Variants in HEPACAM2 observed in about 807,000 individuals in gnomAD.
HEPACAM2 encodes the protein HEPACAM family member 2.
In HEPACAM2, 49 loss-of-function variants were observed where a neutral mutation model predicts 49.6. The ratio of observed to expected loss-of-function variants is 0.99; its 90% confidence interval spans 0.78 to 1.25. HEPACAM2 has a LOEUF of 1.25. Among genes scored for constraint, HEPACAM2 ranks in the 50% most tolerant of loss-of-function variants. The probability of loss-of-function intolerance (pLI) is 0.00; values close to 1 mark genes in which losing one functional copy is unlikely to be tolerated. For missense variants in HEPACAM2, 525 were observed against 557.2 expected (o/e 0.94, Z 0.58); for synonymous variants, 197 against 202.9 (o/e 0.97, Z 0.25).
chr7:93,225,370 T>TA (rs1794520538), intron 1 of HEPACAM2, among the ~76,000 whole-genome samples: 1 of 152,052 alleles, frequency 6.6e-6, no homozygotes, highest in South Asian at 2.1e-4. Context: ...CTCAAAGACT[T>TA]AAAAAAATTT....
At position 93,219,082 on chromosome 7, in the gene HEPACAM2, A is replaced by G; in HGVS notation, c.430+19T>C. ...TACCATGCTAGACTGCTGCCCTCGT[A>G]CACTCACAGGGGACTCACCATCAAC... On this transcript the variant is annotated intron_variant, in intron 2 of 9. Coordinates refer to ENST00000394468, the MANE Select transcript of HEPACAM2 (RefSeq NM_001039372.4). 6.2e-7 allele frequency: 1 copy of G among 1,605,826 alleles called. No homozygotes were observed. The highest frequency in any genetic ancestry group is 8.5e-7 in the Non-Finnish European group (1 of 1,173,582).
intron 4 of HEPACAM2, among the ~76,000 whole-genome samples, chr7:93,205,925 A>G (rs1022676201): frequency 6.6e-6 from 1 of 152,108 alleles, no homozygotes. Flanking sequence ...TATTTACTAT[A>G]ATAACAAATG....
At chr7:93,226,149 G>T (rs1346232226) in intron 1 of HEPACAM2, among the ~76,000 whole-genome samples, 3 of 151,978 alleles carry the variant, frequency 2.0e-5, no homozygotes, top group Admixed American at 1.3e-4. Context: ...GACAATAATT[G>T]TTGTTCCAAG....
intron 8 of HEPACAM2, among the ~76,000 whole-genome samples, chr7:93,194,910 C>T (rs1793647912): frequency 7.9e-6 from 1 of 126,138 alleles, no homozygotes; most frequent in East Asian, 2.9e-4. Flanking sequence ...AAACTGATTA[C>T]TTTAAAAGAT....
intron 1 of HEPACAM2, 168 bp from the exon 2 acceptor site, chr7:93,219,619 T>C: frequency 7.9e-7 from 1 of 1,264,326 alleles, no homozygotes; most frequent in East Asian, 2.5e-5. Context: ...TATTTGTCCC[T>C]GAAACCTTCT....
chr7:93,229,314 T>TA (rs1454156835), upstream of HEPACAM2, among the ~76,000 whole-genome samples: 10 of 152,200 alleles, frequency 6.6e-5, no homozygotes, highest in Admixed American at 4.6e-4. Flanking sequence ...ATATGGCTGC[T>TA]AAATACTAAG....
At chr7:93,231,582 T>TTTC in the HEPACAM2 span, among the ~76,000 whole-genome samples, 3 of 152,200 alleles carry the variant, frequency 2.0e-5, no homozygotes, top group Non-Finnish European at 2.9e-5. Context: ...AGGGCTGCTT[T>TTTC]TTCTTCTTCT....
At chr7:93,210,427 A>G (rs189610621) in intron 3 of HEPACAM2, among the ~76,000 whole-genome samples, 5 of 152,102 alleles carry the variant, frequency 3.3e-5, no homozygotes, top group Admixed American at 2.0e-4. Flanking sequence ...TTAATCGTTC[A>G]CATTACTTCT....
At chr7:93,217,876 C>CTGTGTGTGTGTGTGTG (rs138044928) in intron 2 of HEPACAM2, among the ~76,000 whole-genome samples, 13 of 140,094 alleles carry the variant, frequency 9.3e-5, no homozygotes, top group Non-Finnish European at 2.0e-4. Context: ...GCATGTGTGT[C>CTGTGTGTGTGTGTGTG]TGTGTGTGTG....
intron 2 of HEPACAM2, 69 bp downstream of exon 2, chr7:93,219,031 GT>G (rs1794382652): frequency 5.1e-6 from 7 of 1,364,488 alleles, no homozygotes; most frequent in Non-Finnish European, 7.1e-6. Flanking sequence ...AGCCGAAGTA[GT>G]TTAGTCTCCT....
intron 8 of HEPACAM2, among the ~76,000 whole-genome samples, 189 bp from the exon 9 acceptor site, chr7:93,192,552 G>A (rs371830879): frequency 5.3e-4 from 81 of 152,150 alleles, no homozygotes; most frequent in Admixed American, 3.5e-3. Flanking sequence ...TTGTGCAGCA[G>A]CATAGCTATA....
intron 1 of HEPACAM2, chr7:93,225,965 G>T: frequency 7.9e-7 from 1 of 1,261,162 alleles, no homozygotes; most frequent in Non-Finnish European, 1.1e-6. Context: ...TAATTAAAAA[G>T]AAAACAATTT....
At position 93,197,498 on chromosome 7, in the gene HEPACAM2, A is replaced by AT; in HGVS notation, c.1124dup (p.Tyr375Ter). 6.3e-7 allele frequency: 1 copy of AT among 1,594,860 alleles called. No individual in the cohort carries two copies. The highest frequency in any genetic ancestry group is 2.2e-5 in the East Asian group (1 of 44,542). Residue 375 changes from tyrosine (Y) to a stop codon, truncating the protein, a stop_gained and frameshift_variant, in exon 5 of 10, where the codon TAT becomes TAAT. Transcript: ENST00000394468. LOFTEE classifies it high-confidence loss of function. Reference sequence around the variant, plus strand: ...ATTTTAACCTACCTTTGTAGGGTTGATATTTTTTCCATAGGAAGAGAAGAC... The same window carrying AT: ...ATTTTAACCTACCTTTGTAGGGTTGATTATTTTTTCCATAGGAAGAGAAGAC... Reference protein sequence around the residue: ...SMCLLFLWKKYQPYKVIKQKL... With the variant: ...SMCLLFLWKK
In HEPACAM2 at chr7:93,219,304, A is replaced by G; in HGVS notation, c.227T>C (p.Met76Thr). Residue 76 changes from methionine (M) to threonine (T), a missense_variant, in exon 2 of 10, where the codon ATG becomes ACG. Transcript: ENST00000394468. Reference sequence around the variant, plus strand: ...CACAGAGCCCAGTAAGTATTTGGGCATTGTGTGGGGTCTCTCAAATAGCCA... The same window carrying G: ...CACAGAGCCCAGTAAGTATTTGGGCGTTGTGTGGGGTCTCTCAAATAGCCA... ...IIWLFERPHT[M>T]PKYLLGSVNK... 1 of 1,613,972 alleles carries G rather than the reference A, an allele frequency of 6.2e-7. No individual in the cohort carries two copies. The highest frequency in any genetic ancestry group is 1.1e-5 in the South Asian group (1 of 91,074).
chr7:93,208,959 T>C (rs1238264532), intron 3 of HEPACAM2, 83 bp from the exon 4 acceptor site: 4 of 1,249,248 alleles, frequency 3.2e-6, no homozygotes, highest in Non-Finnish European at 4.3e-6. Context: ...TAGTAGCATT[T>C]TACTGTTTTT....
chr7:93,204,361 T>TG (rs1793974319), intron 4 of HEPACAM2, among the ~76,000 whole-genome samples: 1 of 151,348 alleles, frequency 6.6e-6, no homozygotes, highest in Non-Finnish European at 1.5e-5. Flanking sequence ...TATCTATCTA[T>TG]CTATCTATCT....
upstream of HEPACAM2, among the ~76,000 whole-genome samples, chr7:93,228,342 A>G (rs144894416): frequency 2.2e-4 from 34 of 152,322 alleles, no homozygotes; most frequent in African/African-American, 7.9e-4. Flanking sequence ...TCTTACTTGT[A>G]ATCTTTTTAT....
At chr7:93,214,865 A>G (rs1036051613) in intron 3 of HEPACAM2, among the ~76,000 whole-genome samples, 14 of 152,180 alleles carry the variant, frequency 9.2e-5, no homozygotes, top group African/African-American at 3.4e-4. Flanking sequence ...ATAATTGCTT[A>G]AGTAAATTTC....
upstream of HEPACAM2, among the ~76,000 whole-genome samples, chr7:93,227,121 T>C (rs1250164425): frequency 2.6e-5 from 4 of 152,304 alleles, no homozygotes; most frequent in South Asian, 8.3e-4. Flanking sequence ...TAATGAAAAG[T>C]GCATGCCAGG....
Sources: allele counts gnomAD v4.1 joint callset (sites outside exome capture counted in the v4.1 genomes callset), GRCh38; gene constraint gnomAD v4.1.1; transcripts MANE v1.5; gene names NCBI Gene and HGNC (gene_info 2026-07-23, HGNC 2026-07-21).